Variants in PPM1D observed in about 807,000 individuals in gnomAD.
PPM1D encodes the protein protein phosphatase, Mg2+/Mn2+ dependent 1D.
Under a neutral mutation model 58.3 loss-of-function variants are expected in PPM1D, and 52 were observed. That is an observed-to-expected ratio of 0.89 (90% CI 0.71 to 1.12). PPM1D has a LOEUF of 1.12. Among genes scored for constraint, PPM1D ranks in the 50% most tolerant of loss-of-function variants. PPM1D has a pLI of 0.00. For synonymous variants in PPM1D, 278 were observed against 285.1 expected (o/e 0.98, Z 0.25); for missense variants, 564 against 777.2 (o/e 0.73, Z 3.26).
chr17:60,657,113 G>A, intron 5 of PPM1D: 4 of 1,256,068 alleles, frequency 3.2e-6, no homozygotes, highest in Non-Finnish European at 4.1e-6. Context: ...AAAGCATTTA[G>A]AAGTTTGTGA....
At chr17:60,607,836 G>C (rs780225676) in intron 1 of PPM1D, among the ~76,000 whole-genome samples, 3 of 152,170 alleles carry the variant, frequency 2.0e-5, no homozygotes, top group Admixed American at 1.3e-4. Flanking sequence ...AAATACAAAA[G>C]TTTCATTTGT....
At chr17:60,612,724 T>C (rs1193853409) in intron 1 of PPM1D, among the ~76,000 whole-genome samples, 3 of 152,028 alleles carry the variant, frequency 2.0e-5, no homozygotes, top group African/African-American at 7.2e-5. Context: ...CTGCTGGATG[T>C]GTACCAGATA....
In PPM1D at chr17:60,663,778, T is replaced by C; in HGVS notation, c.*226T>C. ...GCTGTAAAATTTGTGTAAATTTGTATCCACACAAATTCAGTCTCTGAATAC... is the reference window on the plus strand; with the variant it reads ...GCTGTAAAATTTGTGTAAATTTGTACCCACACAAATTCAGTCTCTGAATAC... On this transcript the variant is annotated 3_prime_UTR_variant, in exon 6 of 6. Transcript: ENST00000305921. The C allele has an allele frequency of 2.0e-6, 1 of 507,046 alleles. No homozygotes were observed. The highest frequency in any genetic ancestry group is 3.5e-6 in the Non-Finnish European group (1 of 285,364). The allele number at this position is 507,046 out of a possible 1,614,324, so 31.4% of individuals were successfully genotyped here. A position where few individuals can be genotyped will look rare whatever the true frequency, so the allele number is the denominator to read the frequency against.
intron 1 of PPM1D, among the ~76,000 whole-genome samples, chr17:60,616,835 T>A (rs896036024): frequency 1.3e-5 from 2 of 152,242 alleles, no homozygotes; most frequent in African/African-American, 4.8e-5. Flanking sequence ...TAAATAATAT[T>A]GCATCTAAGG....
chr17:60,638,432 G>A (rs890390435), intron 3 of PPM1D, among the ~76,000 whole-genome samples: 1 of 151,716 alleles, frequency 6.6e-6, no homozygotes, highest in Non-Finnish European at 1.5e-5. Flanking sequence ...GCAGTGGCAC[G>A]ATCTCAGCTC....
intron 2 of PPM1D, 82 bp downstream of exon 2, chr17:60,623,831 G>T: frequency 7.4e-7 from 1 of 1,352,064 alleles, no homozygotes; most frequent in Non-Finnish European, 1.0e-6. Context: ...ACCTACTACT[G>T]TCCCTTTTAC....
chr17:60,654,884 A>G (rs918559439), intron 4 of PPM1D, among the ~76,000 whole-genome samples: 3 of 151,666 alleles, frequency 2.0e-5, no homozygotes, highest in South Asian at 2.1e-4. Context: ...AAAAAAAAAG[A>G]AAGAAAAGAA....
chr17:60,652,455 A>G (rs2031361743), intron 4 of PPM1D, among the ~76,000 whole-genome samples: 1 of 151,796 alleles, frequency 6.6e-6, no homozygotes, highest in African/African-American at 2.4e-5. Context: ...TGCAATAAAC[A>G]TGGGAGTGCA....
intron 2 of PPM1D, among the ~76,000 whole-genome samples, chr17:60,624,541 C>T (rs577662805): frequency 2.0e-5 from 3 of 152,282 alleles, no homozygotes; most frequent in Admixed American, 1.3e-4. Context: ...AATCCCAGCA[C>T]TTTGGGAGGC....
intron 1 of PPM1D, among the ~76,000 whole-genome samples, chr17:60,605,052 C>T (rs1227876037): frequency 1.3e-5 from 2 of 152,166 alleles, no homozygotes; most frequent in Non-Finnish European, 2.9e-5. Context: ...GAACTCTTGA[C>T]CTCAAGTGAT....
rs1266735124 is a variant in PPM1D, at chr17:60,600,297, C to G, written c.-118C>G. 6.2e-6 allele frequency: 9 copies of G among 1,455,770 alleles called. No homozygotes were observed. Among genetic ancestry groups the G allele is most frequent in the Non-Finnish European group, 8.1e-6 (9 of 1,110,814 alleles). 90.2% of individuals were successfully genotyped at this position (1,455,770 alleles called of 1,614,324 possible). On this transcript the variant is annotated 5_prime_UTR_variant, in exon 1 of 6. Transcript: ENST00000305921. ...GCCCCCCCTTCTCCGGGTCCGCCCC[C>G]TCCCCCTTCTCGGCGTCGTCGAAGA... is the stretch of plus-strand genomic sequence containing the variant.
chr17:60,613,029 A>G (rs1330597937), intron 1 of PPM1D, among the ~76,000 whole-genome samples: 1 of 152,166 alleles, frequency 6.6e-6, no homozygotes, highest in African/African-American at 2.4e-5. Flanking sequence ...TTTCTACCAT[A>G]ATAGGCTTCC....
rs968378263 is a variant in PPM1D, at chr17:60,642,615, T to C, written c.827-5277T>C. ...CTGGGACTACAGGCGTGTGCCACCA[T>C]GCCCAGCTAATTTTTGTATTTCTAG... On this transcript the variant is annotated intron_variant, in intron 3 of 5. Transcript: ENST00000305921. 3.3e-5 allele frequency among the ~76,000 whole-genome samples: 5 copies of C among 151,848 alleles called. No individual in the cohort carries two copies. The East Asian group carries it at 5.9e-4, about 18-fold the overall frequency.
Position 60,665,851 on chromosome 17 carries a change from C to T in PPM1D, c.*2299C>T, listed in dbSNP as rs1367451095. 2 of 152,192 alleles carry T rather than the reference C, an allele frequency of 1.3e-5. No individual in the cohort carries two copies. Among genetic ancestry groups the T allele is most frequent in the African/African-American group, 4.8e-5 (2 of 41,442 alleles). The allele number at this position is 152,192 out of a possible 1,614,324, so 9.4% of individuals were successfully genotyped here. On this transcript the variant is annotated 3_prime_UTR_variant, in exon 6 of 6. Transcript: ENST00000305921. ...CCTCAGTTTGTTGCCACATGTTCCC[C>T]TCCAGAGGGCCTCTCACAACATGGC...
At chr17:60,656,959 A>C (rs1486160714) in intron 5 of PPM1D, 118 bp downstream of exon 5, 1 of 1,588,226 alleles carries the variant, frequency 6.3e-7, no homozygotes, top group Admixed American at 1.7e-5. Context: ...CGATTCAAGA[A>C]AGTGATGTAA....
At chr17:60,651,932 A>G (rs556416242) in intron 4 of PPM1D, among the ~76,000 whole-genome samples, 1 of 152,336 alleles carries the variant, frequency 6.6e-6, no homozygotes, top group African/African-American at 2.4e-5. Context: ...AAGAAGACAC[A>G]TAAGGCATGA....
intron 1 of PPM1D, among the ~76,000 whole-genome samples, chr17:60,618,807 A>G (rs948501037): frequency 2.0e-5 from 3 of 152,198 alleles, no homozygotes; most frequent in Non-Finnish European, 4.4e-5. Context: ...GCAATGTGAT[A>G]GATGATTTTA....
At chr17:60,634,159 C>T (rs1306531630) in intron 3 of PPM1D, among the ~76,000 whole-genome samples, 182 bp downstream of exon 3, 1 of 152,120 alleles carries the variant, frequency 6.6e-6, no homozygotes, top group Non-Finnish European at 1.5e-5. Context: ...GCTTATAATC[C>T]CAGCACTTTG....
chr17:60,663,135 CTCAAA>C lies in PPM1D; in HGVS notation c.1402_1406del (p.Ser468ArgfsTer6). On this transcript the variant is annotated frameshift_variant, in exon 6 of 6. Transcript: ENST00000305921. LOFTEE classifies it high-confidence loss of function. ...AGAATGTCCAAGGTGTAGTCATACC[CTCAAA>C]AGATCCAGAACCACTTGAAGAAAAT... 6.2e-7 allele frequency: 1 copy of C among 1,614,066 alleles called. No individual in the cohort carries two copies. The highest frequency in any genetic ancestry group is 8.5e-7 in the Non-Finnish European group (1 of 1,179,976).
Sources: gnomAD v4.1 joint callset for allele counts (sites outside exome capture counted in the v4.1 genomes callset) on GRCh38, gnomAD v4.1.1 for gene constraint, MANE v1.5 for transcripts, NCBI Gene and HGNC (gene_info 2026-07-23, HGNC 2026-07-21) for gene names.